PCDHA4: variants seen among roughly 807,000 people sequenced by gnomAD.
The protein encoded by PCDHA4 is protocadherin alpha-4.
Under a neutral mutation model 61.4 loss-of-function variants are expected in PCDHA4, and 49 were observed. The ratio of observed to expected loss-of-function variants is 0.80; its 90% CI spans 0.63 to 1.01. The LOEUF (loss-of-function observed/expected upper bound fraction) is 1.01. Among genes scored for constraint, PCDHA4 ranks in the 50% least tolerant of loss-of-function variants. The pLI is 0.00. For synonymous variants in PCDHA4, 590 were observed against 550.3 expected, an observed-to-expected ratio of 1.07 and a Z score of -1.01; for missense variants, 1,254 against 1,235.8, an observed-to-expected ratio of 1.01 and a Z score of -0.22.
chr5:140,871,506 A>G, intron 1 of PCDHA4: 11 of 1,580,864 alleles, frequency 7.0e-6, no homozygotes, highest in Non-Finnish European at 8.6e-6. Flanking sequence ...TGAGTTTTCT[A>G]CAGATTCCAC....
intron 1 of PCDHA4, chr5:140,871,036 C>T: frequency 6.2e-7 from 1 of 1,613,274 alleles, no homozygotes; most frequent in Non-Finnish European, 8.5e-7. Context: ...GCCGCGCCAC[C>T]GACTTCTAGT....
chr5:140,852,117 T>C, intron 1 of PCDHA4: 1 of 906,144 alleles, frequency 1.1e-6, no homozygotes, highest in Non-Finnish European at 1.3e-6. Context: ...AGGTATGACC[T>C]AATTAAAAAC....
intron 1 of PCDHA4, among the ~76,000 whole-genome samples, chr5:140,959,857 T>G (rs1287315295): frequency 1.3e-5 from 2 of 152,204 alleles, no homozygotes; most frequent in African/African-American, 2.4e-5. Flanking sequence ...AAAGGAATTA[T>G]GTAGCAAAAT....
At chr5:140,958,498 G>A (rs2095427243) in intron 1 of PCDHA4, among the ~76,000 whole-genome samples, 1 of 152,020 alleles carries the variant, frequency 6.6e-6, no homozygotes, top group African/African-American at 2.4e-5. Context: ...ACATATCCTA[G>A]GAGGCATGGC....
chr5:140,836,005 G>A (rs1554135535), intron 1 of PCDHA4: 5 of 1,613,362 alleles, frequency 3.1e-6, no homozygotes, highest in Admixed American at 1.7e-5. Context: ...CGCGATGCGG[G>A]CGTGCCGCCT....
rs782500159 is a variant in PCDHA4, at chr5:140,809,495, A to G, written c.2308A>G (p.Met770Val). 1.2e-6 allele frequency: 2 copies of G among 1,614,238 alleles called. No homozygotes were observed. The highest frequency in any genetic ancestry group is 1.7e-5 in the Admixed American group (1 of 60,032). The stretch of plus-strand genomic sequence containing the variant: ...TGAGGGCCCACCCAAGACCGACCTC[A>G]TGGCCTTCAGCCCCAGTTTACCTGA... ...SGEGPPKTDL[M>V]AFSPSLPDSR... Residue 770 changes from methionine (M) to valine (V), a missense_variant, in exon 1 of 4, where the codon ATG becomes GTG. Coordinates refer to ENST00000530339, the MANE Select transcript of PCDHA4 (RefSeq NM_018907.4).
At chr5:140,928,634 C>G in intron 1 of PCDHA4, 1 of 1,614,216 alleles carries the variant, frequency 6.2e-7, no homozygotes, top group Non-Finnish European at 8.5e-7. Flanking sequence ...CACTTGGTCA[C>G]AAAAGTGGTA....
chr5:140,834,739 T>G (rs1422918644), intron 1 of PCDHA4: 1 of 1,614,236 alleles, frequency 6.2e-7, no homozygotes, highest in Non-Finnish European at 8.5e-7. Flanking sequence ...GTTTTCCATG[T>G]GGACGTGGAG....
At chr5:140,842,217 C>T (rs145025203) in intron 1 of PCDHA4, 1 of 1,613,264 alleles carries the variant, frequency 6.2e-7, no homozygotes, top group South Asian at 1.1e-5. Context: ...GATCGAAATA[C>T]GGGAGAAATA....
chr5:140,870,317 C>T (rs782216904), intron 1 of PCDHA4: 9 of 1,614,198 alleles, frequency 5.6e-6, no homozygotes, highest in South Asian at 2.2e-5. Flanking sequence ...AATTACTACT[C>T]GTTGGTGCTG....
intron 3 of PCDHA4, among the ~76,000 whole-genome samples, chr5:141,000,383 CTCTCTCTCTCTCTATA>C (rs1346959358): frequency 3.2e-5 from 2 of 63,198 alleles, no homozygotes; most frequent in African/African-American, 1.4e-4. Context: ...CTCTCTCTCT[CTCTCTCTCTCTCTATA>C]TATATATATA....
chr5:140,857,341 G>T (rs782659858), intron 1 of PCDHA4: 1 of 1,598,438 alleles, frequency 6.3e-7, no homozygotes, highest in South Asian at 1.1e-5. Flanking sequence ...ACGGGGGCTC[G>T]CCTCCGCTGT....
intron 1 of PCDHA4, chr5:140,882,078 C>T: frequency 1.1e-6 from 1 of 937,486 alleles, no homozygotes; most frequent in Non-Finnish European, 1.6e-6. Flanking sequence ...CGCATGGTGT[C>T]GCTCTTCACT....
chr5:140,834,794 AAG>A (rs1773294671), intron 1 of PCDHA4: 1 of 1,613,446 alleles, frequency 6.2e-7, no homozygotes, highest in South Asian at 1.1e-5. Flanking sequence ...CAGCGACACA[AAG>A]GAATCTGTTC....
At chr5:140,839,146 T>A (rs2150295080) in intron 1 of PCDHA4, among the ~76,000 whole-genome samples, 1 of 129,620 alleles carries the variant, frequency 7.7e-6, no homozygotes, top group Non-Finnish European at 1.6e-5. Flanking sequence ...GCAGACCAAG[T>A]TTGCTGCTCT....
At chr5:140,997,142 G>A (rs1038632915) in intron 3 of PCDHA4, among the ~76,000 whole-genome samples, 40 of 151,426 alleles carry the variant, frequency 2.6e-4, no homozygotes, top group African/African-American at 2.7e-4. Flanking sequence ...CCACACCCCC[G>A]CCACAGTGAC....
rs2150124872 is a variant in PCDHA4 at position 140,823,348 on chromosome 5, G to A, written c.2385+13776G>A. The A allele has an allele frequency of 1.9e-5, 31 of 1,612,340 alleles. No homozygotes were observed. In the Admixed American group the frequency reaches 4.8e-4, roughly 25 times the overall value. On this transcript the variant is annotated intron_variant, in intron 1 of 3. Transcript: ENST00000530339. ...GTACGCGCTGCAGCCGCTGGACCAC[G>A]AGGAAGTGGAGCTGCTGCAGTTCCA...
At chr5:140,915,770 A>G (rs1215607027) in intron 1 of PCDHA4, among the ~76,000 whole-genome samples, 4 of 151,908 alleles carry the variant, frequency 2.6e-5, no homozygotes, top group African/African-American at 4.8e-5. Context: ...GTCTTGTCCA[A>G]GGCCTGCTGT....
intron 1 of PCDHA4, chr5:140,822,039 G>A: frequency 6.2e-7 from 1 of 1,614,224 alleles, no homozygotes; most frequent in South Asian, 1.1e-5. Flanking sequence ...TGAATTCTCG[G>A]ATCGACCGGG....
Sources: gnomAD v4.1 joint callset for allele counts (sites outside exome capture counted in the v4.1 genomes callset) on GRCh38, gnomAD v4.1.1 for gene constraint, MANE v1.5 for transcripts, NCBI Gene and HGNC (gene_info 2026-07-23, HGNC 2026-07-21) for gene names.